Variants in NCAPG observed in about 807,000 individuals in gnomAD.
The protein encoded by NCAPG is condensin complex subunit 3.
In NCAPG, 69 loss-of-function variants were observed where a neutral mutation model predicts 113.1. The observed-to-expected ratio is 0.61, with a 90% confidence interval of 0.50 to 0.75. The LOEUF is 0.75. Among genes scored for constraint, NCAPG ranks in the 30% least tolerant of loss-of-function variants. The probability of loss-of-function intolerance (pLI) is 0.00; values close to 1 mark genes in which losing one functional copy is unlikely to be tolerated. For synonymous variants in NCAPG, 370 were observed against 415.8 expected, an observed-to-expected ratio of 0.89 and a Z score of 1.34; for missense variants, 1,058 against 1,177.0, an observed-to-expected ratio of 0.90 and a Z score of 1.48.
rs1355735674 is a variant in NCAPG, at chr4:17,843,655, G to T, written c.*230G>T. On this transcript the variant is annotated 3_prime_UTR_variant, in exon 21 of 21. Transcript: ENST00000251496. The stretch of plus-strand genomic sequence containing the variant: ...ACACAGATTTATCACAATCTGAGGT[G>T]GGCCTAGGAATCTCATTTTTAAATA... 5.9e-6 allele frequency: 2 copies of T among 338,916 alleles called. No individual in the cohort carries two copies. Among genetic ancestry groups the T allele is most frequent in the East Asian group, 4.7e-5 (1 of 21,194 alleles). The allele number at this position is 338,916 out of a possible 1,614,324, so 21.0% of individuals were successfully genotyped here. A position where few individuals can be genotyped will look rare whatever the true frequency, so the allele number is the denominator to read the frequency against.
intron 9 of NCAPG, among the ~76,000 whole-genome samples, chr4:17,824,475 C>T (rs1001961754): frequency 2.6e-5 from 4 of 152,074 alleles, no homozygotes; most frequent in Non-Finnish European, 4.4e-5. Flanking sequence ...ATTTGGGAGG[C>T]AGCCTTTTCC....
chr4:17,839,583 G>T, intron 16 of NCAPG, 93 bp from the exon 17 acceptor site: 1 of 953,870 alleles, frequency 1.0e-6, no homozygotes. Flanking sequence ...ATTATGGCAA[G>T]AAAATTAGTT....
chr4:17,818,106 T>G lies in NCAPG; in HGVS notation c.1118+18T>G, dbSNP rs750892067. ...TTATTGAGGTAAATTTTTTTTCTTT[T>G]AGTTTGGAGAGTGATTGTGTTGCTG... On this transcript the variant is annotated intron_variant, in intron 7 of 20. Coordinates refer to ENST00000251496, the MANE Select transcript of NCAPG (RefSeq NM_022346.5). 3.8e-6 allele frequency: 6 copies of G among 1,590,634 alleles called. No individual in the cohort carries two copies. Among genetic ancestry groups the G allele is most frequent in the Non-Finnish European group, 5.1e-6 (6 of 1,170,574 alleles).
Position 17,837,330 on chromosome 4 carries a change from T to A in NCAPG, c.2281T>A (p.Tyr761Asn). 3 of 1,613,056 alleles carry A rather than the reference T, an allele frequency of 1.9e-6. No homozygotes were observed. Among genetic ancestry groups the A allele is most frequent in the Non-Finnish European group, 2.5e-6 (3 of 1,179,554 alleles). ...CLGVFFPVFA[Y>N]ASRTNQECFE... ...AGGCGTGTTCTTCCCCGTGTTTGCT[T>A]ATGCAAGCAGGTATTGAGTCATACT... Residue 761 changes from tyrosine (Y) to asparagine (N), a missense_variant, in exon 15 of 21, where the codon TAT (tyrosine) becomes AAT (asparagine). Tyr to Asn is a moderately radical substitution (Grantham distance 143). Coordinates refer to ENST00000251496, the MANE Select transcript of NCAPG (RefSeq NM_022346.5).
At chr4:17,840,535 G>T in intron 18 of NCAPG, 72 bp from the exon 19 acceptor site, 1 of 902,802 alleles carries the variant, frequency 1.1e-6, no homozygotes, top group Non-Finnish European at 1.5e-6. Context: ...ATAAAAACTG[G>T]TCTTAAAAAG....
chr4:17,812,934 C>T lies in NCAPG; in HGVS notation c.333C>T (p.Ser111=), dbSNP rs138337880. ...TGTTTTAGTCTCATGAAGCAAACAGCAATGCAGTGAGATTTAGAGTGTGCC... is the reference window on the plus strand; with the variant it reads ...TGTTTTAGTCTCATGAAGCAAACAGTAATGCAGTGAGATTTAGAGTGTGCC... ...TFLLKSHEAN[S]NAVRFRVCLL... Residue 111 remains serine (S), a synonymous_variant, in exon 3 of 21, where the codon AGC becomes AGT. Transcript: ENST00000251496. 517 of 1,613,754 alleles carry T rather than the reference C, an allele frequency of 3.2e-4. 3 individuals are homozygous for T. The African/African-American group carries it at 5.6e-3, about 18-fold the overall frequency.
intron 7 of NCAPG, among the ~76,000 whole-genome samples, chr4:17,820,095 G>T (rs1577335863): frequency 6.6e-6 from 1 of 152,216 alleles, no homozygotes; most frequent in East Asian, 1.9e-4. Flanking sequence ...TTTATAGAAG[G>T]TAGTGAAAAT....
At chr4:17,836,005 G>A (rs1722078859) in intron 14 of NCAPG, among the ~76,000 whole-genome samples, 1 of 152,120 alleles carries the variant, frequency 6.6e-6, no homozygotes, top group Admixed American at 6.5e-5. Flanking sequence ...GAATTGTGTT[G>A]CTCAGTCATT....
chr4:17,831,594 A>G (rs888568607), intron 13 of NCAPG, among the ~76,000 whole-genome samples: 7 of 152,178 alleles, frequency 4.6e-5, no homozygotes, highest in Admixed American at 3.9e-4. Flanking sequence ...ATAAGTTGAC[A>G]TTTGAGCAAA....
At chr4:17,837,026 G>T in intron 14 of NCAPG, 133 bp from the exon 15 acceptor site, 1 of 671,520 alleles carries the variant, frequency 1.5e-6, no homozygotes. Context: ...CTTTTTATTT[G>T]CCTTTAAAGA....
intron 7 of NCAPG, among the ~76,000 whole-genome samples, chr4:17,820,948 A>G (rs1324713209): frequency 3.9e-5 from 6 of 152,240 alleles, no homozygotes; most frequent in African/African-American, 1.4e-4. Context: ...GCCATCTTAA[A>G]TATAAATTCT....
chr4:17,837,823 A>C, intron 16 of NCAPG, 22 bp downstream of exon 16: 1 of 1,612,446 alleles, frequency 6.2e-7, no homozygotes, highest in Non-Finnish European at 8.5e-7. Flanking sequence ...TGGTAACTGC[A>C]TGCAGATCAC....
chr4:17,843,506 C>A lies in NCAPG; in HGVS notation c.*81C>A. ...AAGAAGAAGTTACCCTTGTCAAAAT[C>A]AGAACAAACCTGATGTCTTTCTGAA... On this transcript the variant is annotated 3_prime_UTR_variant, in exon 21 of 21. Coordinates refer to ENST00000251496, the MANE Select transcript of NCAPG (RefSeq NM_022346.5). The A allele has an allele frequency of 1.4e-6, 2 of 1,474,610 alleles. No individual in the cohort carries two copies. The highest frequency in any genetic ancestry group is 1.4e-5 in the African/African-American group (1 of 70,680). The allele number at this position is 1,474,610 out of a possible 1,614,324, so 91.3% of individuals were successfully genotyped here. A position where few individuals can be genotyped will look rare whatever the true frequency, so the allele number is the denominator to read the frequency against.
chr4:17,843,628 T>TCACA lies in NCAPG; in HGVS notation c.*206_*209dup. ...TCCAGAAAAAGTGTGCATCAGTCAG[T>TCACA]CACACAGATTTATCACAATCTGAGG... On this transcript the variant is annotated 3_prime_UTR_variant, in exon 21 of 21. Transcript: ENST00000251496. The TCACA allele has an allele frequency of 2.4e-6, 1 of 420,016 alleles. No individual in the cohort carries two copies. The highest frequency in any genetic ancestry group is 4.0e-5 in the South Asian group (1 of 24,714). The allele number at this position is 420,016 out of a possible 1,614,324, so 26.0% of individuals were successfully genotyped here. A position where few individuals can be genotyped will look rare whatever the true frequency, so the allele number is the denominator to read the frequency against.
At chr4:17,822,909 G>A in intron 7 of NCAPG, 74 bp from the exon 8 acceptor site, 1 of 1,286,982 alleles carries the variant, frequency 7.8e-7, no homozygotes, top group Non-Finnish European at 1.1e-6. Context: ...GCCCTTTTCT[G>A]ACCTAATGGT....
In NCAPG at chr4:17,844,020, T is replaced by TAA. The variant is rs1722685463; in HGVS notation, c.*596_*597insAA. ...GCCTGGGAAATCTCTCTTCCTAAAG[T>TAA]ATTTGTATATGGGAGTCCTTGTTTG... On this transcript the variant is annotated 3_prime_UTR_variant, in exon 21 of 21. Coordinates refer to ENST00000251496, the MANE Select transcript of NCAPG (RefSeq NM_022346.5). The TAA allele has an allele frequency of 6.6e-6, 1 of 152,032 alleles. No homozygotes were observed. Among genetic ancestry groups the TAA allele is most frequent in the African/African-American group, 2.4e-5 (1 of 41,452 alleles). 9.4% of individuals were successfully genotyped at this position (152,032 alleles called of 1,614,324 possible).
Position 17,844,315 on chromosome 4 carries a change from C to G in NCAPG, c.*890C>G, listed in dbSNP as rs1722714758. Reference sequence around the variant, plus strand: ...GAAATTGGTCCTCTTTTCTGCAATACCCAACGAAACACCTTTTCTCTTTAT... The same window carrying G: ...GAAATTGGTCCTCTTTTCTGCAATAGCCAACGAAACACCTTTTCTCTTTAT... On this transcript the variant is annotated 3_prime_UTR_variant, in exon 21 of 21. Coordinates refer to ENST00000251496, the MANE Select transcript of NCAPG (RefSeq NM_022346.5). 6.6e-6 allele frequency: 1 copy of G among 152,112 alleles called. No individual in the cohort carries two copies. Among genetic ancestry groups the G allele is most frequent in the African/African-American group, 2.4e-5 (1 of 41,234 alleles). The allele number at this position is 152,112 out of a possible 1,614,324, so 9.4% of individuals were successfully genotyped here. A position where few individuals can be genotyped will look rare whatever the true frequency, so the allele number is the denominator to read the frequency against.
Position 17,812,380 on chromosome 4 carries a change from G to C in NCAPG, c.271G>C (p.Glu91Gln). 2 of 1,613,810 alleles carry C rather than the reference G, an allele frequency of 1.2e-6. No individual in the cohort carries two copies. The highest frequency in any genetic ancestry group is 8.5e-7 in the Non-Finnish European group (1 of 1,179,850). ...AGATATGGAAGATGATGAGGAAGAG[G>C]AAGATGGTGGCCTTTTAAATTATTT... Reference protein sequence around the residue: ...QSDMEDDEEEEDGGLLNYLFT... With the variant: ...QSDMEDDEEEQDGGLLNYLFT... Residue 91 changes from glutamate to glutamine, a missense_variant, in exon 2 of 21, where the codon GAA becomes CAA. Transcript: ENST00000251496.
intron 7 of NCAPG, among the ~76,000 whole-genome samples, chr4:17,821,650 G>A (rs548737862): frequency 4.0e-4 from 61 of 151,926 alleles, no homozygotes; most frequent in African/African-American, 1.4e-3. Context: ...TTTTAGTAGA[G>A]ATGGGGTTTT....
Sources: gnomAD v4.1 joint callset for allele counts (sites outside exome capture counted in the v4.1 genomes callset) on GRCh38, gnomAD v4.1.1 for gene constraint, MANE v1.5 for transcripts, NCBI Gene and HGNC (gene_info 2026-07-23, HGNC 2026-07-21) for gene names.